Variants in LRMDA observed in about 807,000 individuals in gnomAD.
LRMDA encodes the protein leucine rich melanocyte differentiation associated, also known as leucine-rich melanocyte differentiation-associated protein.
A neutral mutation model predicts 29.8 loss-of-function variants in LRMDA; 18 were observed. The ratio of observed to expected loss-of-function variants is 0.60; its 90% CI spans 0.42 to 0.90. The LOEUF (loss-of-function observed/expected upper bound fraction) is 0.90, where lower values mean the gene tolerates loss of function less well. Ranked by LOEUF, LRMDA falls within the 40% of genes least tolerant of loss-of-function variation. The pLI is 0.00. For synonymous variants in LRMDA, 125 were observed against 109.4 expected, an observed-to-expected ratio of 1.14 and a Z score of -0.89; for missense variants, 273 against 273.9, an observed-to-expected ratio of 1.00 and a Z score of 0.02.
At chr10:75,485,086 T>C (rs1041884445) in intron 2 of LRMDA, among the ~76,000 whole-genome samples, 6 of 152,214 alleles carry the variant, frequency 3.9e-5, no homozygotes, top group Non-Finnish European at 7.3e-5. Flanking sequence ...GGGCCAGGCA[T>C]TTGTTAGTTA....
intron 2 of LRMDA, among the ~76,000 whole-genome samples, chr10:75,510,727 G>C (rs1208179290): frequency 2.6e-5 from 4 of 152,178 alleles, no homozygotes; most frequent in Admixed American, 2.6e-4. Flanking sequence ...GGCTGGTCTG[G>C]AGGCAAGGCT....
At chr10:75,629,099 G>A (rs1331913754) in intron 2 of LRMDA, among the ~76,000 whole-genome samples, 1 of 152,170 alleles carries the variant, frequency 6.6e-6, no homozygotes, top group African/African-American at 2.4e-5. Flanking sequence ...TCTTGCTCTT[G>A]TTAGAGCTGG....
intron 6 of LRMDA, among the ~76,000 whole-genome samples, chr10:76,436,932 T>C (rs1000129322): frequency 6.6e-6 from 1 of 152,140 alleles, no homozygotes; most frequent in Non-Finnish European, 1.5e-5. Context: ...TCCCTCCACC[T>C]ACCTGAGCTG....
chr10:76,274,841 C>A (rs753692363), intron 5 of LRMDA, among the ~76,000 whole-genome samples: 2 of 152,324 alleles, frequency 1.3e-5, no homozygotes, highest in South Asian at 4.1e-4. Context: ...AAGATCACAA[C>A]TTTCCCTACC....
chr10:76,523,627 G>A (rs1287259413), intron 6 of LRMDA, among the ~76,000 whole-genome samples: 1 of 152,094 alleles, frequency 6.6e-6, no homozygotes, highest in Admixed American at 6.5e-5. Context: ...GGGAGGGATG[G>A]GAAAAAGCAA....
chr10:75,859,600 T>TAC (rs71024575), intron 2 of LRMDA, among the ~76,000 whole-genome samples: 7,216 of 77,320 alleles, frequency 0.093, 187 homozygotes, highest in Non-Finnish European at 0.11. Context: ...ATTCAGGGCA[T>TAC]ACACACACAC....
intron 2 of LRMDA, among the ~76,000 whole-genome samples, chr10:75,809,404 G>T (rs958699565): frequency 6.6e-6 from 1 of 152,190 alleles, no homozygotes; most frequent in South Asian, 2.1e-4. Context: ...AGCACTTTGT[G>T]AGGCTGAGGC....
chr10:75,908,781 C>A (rs964290230), intron 2 of LRMDA, among the ~76,000 whole-genome samples: 1 of 152,196 alleles, frequency 6.6e-6, no homozygotes, highest in Non-Finnish European at 1.5e-5. Flanking sequence ...GCTCTTTCCC[C>A]ATCTGCCAGT....
intron 2 of LRMDA, among the ~76,000 whole-genome samples, chr10:75,718,663 C>T (rs1183706103): frequency 6.6e-6 from 1 of 152,206 alleles, no homozygotes; most frequent in Non-Finnish European, 1.5e-5. Flanking sequence ...AGACAGAATT[C>T]AACTTCAGCC....
At chr10:76,522,630 A>G (rs940595844) in intron 6 of LRMDA, among the ~76,000 whole-genome samples, 1 of 152,224 alleles carries the variant, frequency 6.6e-6, no homozygotes, top group African/African-American at 2.4e-5. Context: ...GGTTTCATCC[A>G]GTGCATTTTT....
intron 2 of LRMDA, among the ~76,000 whole-genome samples, chr10:75,493,346 T>TA (rs1845008189): frequency 2.0e-5 from 2 of 99,010 alleles, no homozygotes; most frequent in Admixed American, 2.4e-4. Context: ...GGGTTGAGAT[T>TA]GGGTGTGTGT....
intron 2 of LRMDA, among the ~76,000 whole-genome samples, chr10:75,966,914 A>G (rs957360321): frequency 2.0e-5 from 3 of 152,226 alleles, no homozygotes; most frequent in Non-Finnish European, 4.4e-5. Context: ...CCCAGTAGAT[A>G]TACACCCAAC....
intron 2 of LRMDA, among the ~76,000 whole-genome samples, chr10:75,987,466 A>G (rs1209937064): frequency 6.6e-6 from 1 of 152,246 alleles, no homozygotes; most frequent in Non-Finnish European, 1.5e-5. Context: ...AAGTATCCCT[A>G]TAGCATGAAT....
intron 2 of LRMDA, among the ~76,000 whole-genome samples, chr10:75,959,504 C>T (rs908308487): frequency 9.2e-5 from 11 of 119,140 alleles, no homozygotes; most frequent in South Asian, 3.3e-4. Flanking sequence ...TGCACATGTG[C>T]GCGCACGTGC....
At position 76,288,488 on chromosome 10, in the gene LRMDA, C is replaced by A. The variant is rs750959187; in HGVS notation, c.517-35913C>A. On this transcript the variant is annotated intron_variant, in intron 5 of 6. Transcript: ENST00000611255. The stretch of plus-strand genomic sequence containing the variant: ...ATGGGCAAAGATTTCATGGTGAAGA[C>A]GCCAAAAGCAATTGAAACAAAAGCA... Among the ~76,000 whole-genome samples the A allele has an allele frequency of 2.0e-5, 3 of 151,982 alleles. No individual in the cohort carries two copies. In the East Asian group the frequency reaches 5.8e-4, roughly 29 times the overall value.
intron 2 of LRMDA, among the ~76,000 whole-genome samples, chr10:75,657,597 T>G (rs946093694): frequency 2.6e-5 from 4 of 152,206 alleles, no homozygotes; most frequent in Non-Finnish European, 5.9e-5. Context: ...TTTTCTCATC[T>G]GTAAAATGGG....
chr10:75,645,018 T>C (rs905764349), intron 2 of LRMDA, among the ~76,000 whole-genome samples: 6 of 151,366 alleles, frequency 4.0e-5, no homozygotes, highest in Non-Finnish European at 1.5e-5. Flanking sequence ...ACAGGGTCAC[T>C]GTCTCCCAGG....
At chr10:75,917,725 A>G (rs907241489) in intron 2 of LRMDA, among the ~76,000 whole-genome samples, 8 of 152,252 alleles carry the variant, frequency 5.3e-5, no homozygotes, top group Non-Finnish European at 8.8e-5. Flanking sequence ...CATTTAAAAA[A>G]CAAGGTAAAA....
chr10:76,248,624 C>T (rs973744109), intron 5 of LRMDA, among the ~76,000 whole-genome samples: 4 of 152,282 alleles, frequency 2.6e-5, no homozygotes, highest in Middle Eastern at 3.4e-3. Flanking sequence ...GAAAGTCAGA[C>T]GTAAGCAGAG....
Sources: allele counts gnomAD v4.1 joint callset (sites outside exome capture counted in the v4.1 genomes callset), GRCh38; gene constraint gnomAD v4.1.1; transcripts MANE v1.5; gene names NCBI Gene and HGNC (gene_info 2026-07-23, HGNC 2026-07-21).